The following MAP1B variants were observed in gnomAD, a reference collection of about 807,000 sequenced individuals.
The protein encoded by MAP1B is microtubule-associated protein 1B.
Under a neutral mutation model 176.1 loss-of-function variants are expected in MAP1B, and 12 were observed. That is an observed-to-expected ratio of 0.07 (90% confidence interval 0.04 to 0.11). MAP1B has a LOEUF of 0.11. Among genes scored for constraint, MAP1B ranks in the 10% least tolerant of loss-of-function variants. The pLI is 1.00. For missense variants in MAP1B, 2,523 were observed against 2,990.5 expected (o/e 0.84, Z 3.65); for synonymous variants, 1,044 against 1,135.0 (o/e 0.92, Z 1.61).
At chr5:72,154,390 A>G (rs903695062) in intron 2 of MAP1B, among the ~76,000 whole-genome samples, 11 of 152,206 alleles carry the variant, frequency 7.2e-5, no homozygotes, top group Non-Finnish European at 1.2e-4. Flanking sequence ...TTTACTGTTA[A>G]CAGCCTCATC....
intron 5 of MAP1B, among the ~76,000 whole-genome samples, chr5:72,201,620 A>C (rs1184787078): frequency 2.0e-5 from 3 of 152,262 alleles, no homozygotes; most frequent in Non-Finnish European, 4.4e-5. Flanking sequence ...TTAGATCACA[A>C]TTCACAAAGT....
intron 2 of MAP1B, 104 bp downstream of exon 2, chr5:72,115,903 G>A: frequency 3.9e-6 from 3 of 760,680 alleles, no homozygotes; most frequent in South Asian, 1.5e-5. Context: ...ATTGCTAAAA[G>A]GATACTTTGT....
At chr5:72,185,974 C>T (rs548112332) in intron 3 of MAP1B, among the ~76,000 whole-genome samples, 5 of 152,284 alleles carry the variant, frequency 3.3e-5, no homozygotes, top group South Asian at 2.1e-4. Context: ...AGTTCCTTAG[C>T]GCAAACCATG....
At chr5:72,158,813 G>A (rs1370881385) in intron 2 of MAP1B, among the ~76,000 whole-genome samples, 1 of 152,136 alleles carries the variant, frequency 6.6e-6, no homozygotes, top group African/African-American at 2.4e-5. Flanking sequence ...CATAACTAGA[G>A]ACAAGAATCT....
Position 72,152,331 on chromosome 5 carries a change from G to A in MAP1B, c.287-31412G>A, listed in dbSNP as rs552734268. ...TGGGATTCCTTGTTCTGCAAAACCT[G>A]GGGTCGGACCCCGTTCACTCCCCTT... On this transcript the variant is annotated intron_variant, in intron 2 of 6. Transcript: ENST00000296755. Among the ~76,000 whole-genome samples, 5 of 152,274 alleles carry A rather than the reference G, an allele frequency of 3.3e-5. No homozygotes were observed. In the East Asian group the frequency reaches 9.6e-4, roughly 29 times the overall value.
At chr5:72,125,174 G>C (rs1745604633) in intron 2 of MAP1B, among the ~76,000 whole-genome samples, 1 of 152,120 alleles carries the variant, frequency 6.6e-6, no homozygotes, top group African/African-American at 2.4e-5. Context: ...TTTTTATCTA[G>C]AATTCCAGAT....
Position 72,195,243 on chromosome 5 carries a change from C to T in MAP1B, c.1888C>T (p.Pro630Ser). ...VAEKQATDVK[P>S]KAAKEKTVKK... ...TGAGAAGCAAGCCACAGATGTCAAACCCAAAGCTGCCAAGGAGAAGACGGT... is the reference window on the plus strand; with the variant it reads ...TGAGAAGCAAGCCACAGATGTCAAATCCAAAGCTGCCAAGGAGAAGACGGT... Residue 630 changes from proline to serine, a missense_variant, in exon 5 of 7, where the codon CCC (proline) becomes TCC (serine). Coordinates refer to ENST00000296755, the MANE Select transcript of MAP1B (RefSeq NM_005909.5). The T allele has an allele frequency of 6.2e-7, 1 of 1,613,560 alleles. No individual in the cohort carries two copies.
intron 2 of MAP1B, among the ~76,000 whole-genome samples, chr5:72,133,622 T>G (rs1745778362): frequency 6.6e-6 from 1 of 152,216 alleles, no homozygotes; most frequent in African/African-American, 2.4e-5. Flanking sequence ...TTATGAAAAT[T>G]CAGTAGCTAT....
At position 72,200,307 on chromosome 5, in the gene MAP1B, A is replaced by G. The variant is rs1386117808; in HGVS notation, c.6952A>G (p.Lys2318Glu). 6.2e-7 allele frequency: 1 copy of G among 1,614,230 alleles called. No homozygotes were observed. The highest frequency in any genetic ancestry group is 1.1e-5 in the South Asian group (1 of 91,074). Residue 2318 changes from lysine (K) to glutamate (E), a missense_variant, in exon 5 of 7, where the codon AAG becomes GAG. Lys to Glu is a moderately conservative substitution (Grantham distance 56). This residue lies in a region of MAP1B where 287 missense variants were observed against 401.5 expected (regional missense o/e 0.71). Transcript: ENST00000296755. Reference sequence around the variant, plus strand: ...AGCTGCACGTGGGGAAGAGAAAGACAAGGAGACCAAGAATGCTGCCAATGC... The same window carrying G: ...AGCTGCACGTGGGGAAGAGAAAGACGAGGAGACCAAGAATGCTGCCAATGC... ...VKAARGEEKD[K>E]ETKNAANASA...
At chr5:72,112,725 T>G (rs921996203) in intron 1 of MAP1B, among the ~76,000 whole-genome samples, 2 of 152,128 alleles carry the variant, frequency 1.3e-5, no homozygotes, top group African/African-American at 4.8e-5. Context: ...CTCCAGACAT[T>G]GAAAGAATGG....
chr5:72,131,494 A>G (rs1745731814), intron 2 of MAP1B, among the ~76,000 whole-genome samples: 1 of 152,188 alleles, frequency 6.6e-6, no homozygotes, highest in African/African-American at 2.4e-5. Context: ...AAGTGATTCT[A>G]AAATATTTTC....
At chr5:72,146,011 C>T (rs1334629350) in intron 2 of MAP1B, among the ~76,000 whole-genome samples, 2 of 152,116 alleles carry the variant, frequency 1.3e-5, no homozygotes, top group Non-Finnish European at 2.9e-5. Context: ...AAAGAAGAGA[C>T]GCATTGGGAG....
chr5:72,172,018 G>C (rs1041917839), intron 2 of MAP1B, among the ~76,000 whole-genome samples: 1 of 152,194 alleles, frequency 6.6e-6, no homozygotes, highest in Non-Finnish European at 1.5e-5. Flanking sequence ...AAAATCACAG[G>C]TCCCTTGGGT....
At chr5:72,185,666 G>C (rs1282023318) in intron 3 of MAP1B, among the ~76,000 whole-genome samples, 1 of 151,766 alleles carries the variant, frequency 6.6e-6, no homozygotes, top group African/African-American at 2.4e-5. Flanking sequence ...GCCCGGAAGA[G>C]TTGTGAGAAA....
Position 72,132,537 on chromosome 5 carries a change from A to G in MAP1B, c.286+16738A>G, listed in dbSNP as rs115785007. ...ATTTGTCCTGTACATCACTGGGTCAATATTCTGCAGGATTTGTTCTGCTCT... is the reference window on the plus strand; with the variant it reads ...ATTTGTCCTGTACATCACTGGGTCAGTATTCTGCAGGATTTGTTCTGCTCT... On this transcript the variant is annotated intron_variant, in intron 2 of 6. Transcript: ENST00000296755. 6.4e-3 allele frequency among the ~76,000 whole-genome samples: 973 copies of G among 152,300 alleles called. 10 individuals are homozygous for G. The highest frequency in any genetic ancestry group is 0.022 in the African/African-American group (930 of 41,566).
intron 2 of MAP1B, among the ~76,000 whole-genome samples, chr5:72,141,104 T>A (rs1745941071): frequency 6.6e-6 from 1 of 152,224 alleles, no homozygotes; most frequent in East Asian, 1.9e-4. Context: ...AGGGTACCGT[T>A]CCCTGCACCC....
At chr5:72,200,392 G>A (rs909402950) in intron 5 of MAP1B, 25 bp downstream of exon 5, 4 of 1,604,116 alleles carry the variant, frequency 2.5e-6, no homozygotes, top group Middle Eastern at 1.8e-4. Context: ...CTGGGCATTG[G>A]ATATATGTCA....
At chr5:72,119,008 G>A (rs1745479439) in intron 2 of MAP1B, among the ~76,000 whole-genome samples, 1 of 152,254 alleles carries the variant, frequency 6.6e-6, no homozygotes, top group African/African-American at 2.4e-5. Flanking sequence ...TTTTAAATAT[G>A]GTTTTGAGAT....
In MAP1B at chr5:72,209,416, C is replaced by T. The variant is rs1259732838; in HGVS notation, c.*4177C>T. ...CTGCATCACTTCTATCCTATCCAGT[C>T]ATATCTAATGTAGAAAATTAGTTTC... On this transcript the variant is annotated 3_prime_UTR_variant, in exon 7 of 7. Transcript: ENST00000296755. The T allele has an allele frequency of 1.3e-5, 2 of 152,012 alleles. No individual in the cohort carries two copies. Among genetic ancestry groups the T allele is most frequent in the African/African-American group, 4.8e-5 (2 of 41,364 alleles). The allele number at this position is 152,012 out of a possible 1,614,324, so 9.4% of individuals were successfully genotyped here.
Sources: gnomAD v4.1 joint callset for allele counts (sites outside exome capture counted in the v4.1 genomes callset) on GRCh38, gnomAD v4.1.1 for gene constraint, gnomAD v4.1.1 regional missense constraint, MANE v1.5 for transcripts, NCBI Gene and HGNC (gene_info 2026-07-23, HGNC 2026-07-21) for gene names.